ADAMTSL3: variants seen among roughly 807,000 people sequenced by gnomAD.
ADAMTSL3 encodes the protein ADAMTS-like protein 3.
ADAMTSL3 carries 128 observed loss-of-function variants against 201.7 expected under a neutral mutation model. That is an observed-to-expected ratio of 0.63 (90% CI 0.55 to 0.73). The LOEUF is 0.73. ADAMTSL3 is among the 30% of genes least tolerant of loss of function. The pLI is 0.00. For missense variants in ADAMTSL3, 1,990 were observed against 2,119.6 expected (o/e 0.94, Z 1.20); for synonymous variants, 738 against 748.4 (o/e 0.99, Z 0.23).
At chr15:83,903,917 CAAAAAAAAAAAAAAAAAAAAAAA>C (rs1168502648) in intron 15 of ADAMTSL3, among the ~76,000 whole-genome samples, 1,070 of 18,876 alleles carry the variant, frequency 0.057, 69 homozygotes, top group Middle Eastern at 0.11. Context: ...GACTCCACAT[CAAAAAAAAAAAAAAAAAAAAAAA>C]AAAAGAAAAA....
chr15:83,800,426 A>T (rs956029269), intron 4 of ADAMTSL3, among the ~76,000 whole-genome samples: 1 of 152,178 alleles, frequency 6.6e-6, no homozygotes, highest in African/African-American at 2.4e-5. Context: ...ATTAGGACAC[A>T]GCAGGTGGCA....
chr15:83,889,359 G>A (rs2065459974), intron 10 of ADAMTSL3, among the ~76,000 whole-genome samples: 1 of 152,116 alleles, frequency 6.6e-6, no homozygotes, highest in South Asian at 2.1e-4. Flanking sequence ...GTAAAATGCG[G>A]TACTGTGTAT....
intron 2 of ADAMTSL3, among the ~76,000 whole-genome samples, chr15:83,657,850 G>A (rs1465927770): frequency 6.6e-6 from 1 of 152,200 alleles, no homozygotes; most frequent in Non-Finnish European, 1.5e-5. Context: ...ATGAAGGGTG[G>A]TAGGTCAGCC....
intron 3 of ADAMTSL3, among the ~76,000 whole-genome samples, chr15:83,744,012 G>A (rs1283502020): frequency 2.0e-5 from 3 of 151,916 alleles, no homozygotes; most frequent in African/African-American, 7.3e-5. Context: ...CACCACTCCC[G>A]GCTAATTTTT....
At chr15:83,950,110 C>T (rs368812030) in intron 19 of ADAMTSL3, among the ~76,000 whole-genome samples, 12 of 152,100 alleles carry the variant, frequency 7.9e-5, no homozygotes, top group Admixed American at 2.0e-4. Context: ...GTTTCCCCAA[C>T]GTTTTCTTGT....
Position 83,943,079 on chromosome 15 carries a change from G to C in ADAMTSL3, c.2487G>C (p.Ser829=), listed in dbSNP as rs746012941. 16 of 1,608,148 alleles carry C rather than the reference G, an allele frequency of 9.9e-6. No homozygotes were observed. Residue 829 remains serine, a synonymous_variant, in exon 19 of 30, where the codon TCG becomes TCC. Transcript: ENST00000286744. ...CACATTTAGCTGTGGGAGACTGGTCGAAGGTAAGGGCCAGGCTCAACTTTA... is the reference window on the plus strand; with the variant it reads ...CACATTTAGCTGTGGGAGACTGGTCCAAGGTAAGGGCCAGGCTCAACTTTA... ...CPPHLAVGDW[S]KCSVSCGVGI...
chr15:83,942,480 G>A (rs2066578722), intron 17 of ADAMTSL3, 116 bp from the exon 18 acceptor site: 2 of 869,274 alleles, frequency 2.3e-6, no homozygotes, highest in African/African-American at 1.7e-5. Context: ...TGTAGAATCT[G>A]TATACAGGGT....
chr15:83,927,663 T>C (rs1268147318), intron 17 of ADAMTSL3, among the ~76,000 whole-genome samples: 1 of 152,220 alleles, frequency 6.6e-6, no homozygotes, highest in African/African-American at 2.4e-5. Flanking sequence ...TTAGGATTTT[T>C]AGGTAATTGA....
chr15:83,909,260 G>A (rs2065892771), intron 15 of ADAMTSL3, among the ~76,000 whole-genome samples: 1 of 152,180 alleles, frequency 6.6e-6, no homozygotes, highest in Non-Finnish European at 1.5e-5. Flanking sequence ...GTATGGTAAT[G>A]TATTCACACA....
intron 19 of ADAMTSL3, among the ~76,000 whole-genome samples, chr15:83,960,653 T>G (rs1279736915): frequency 1.3e-5 from 2 of 152,130 alleles, no homozygotes; most frequent in Non-Finnish European, 2.9e-5. Context: ...CAGCAATTGT[T>G]GGATTATTAC....
chr15:83,968,390 G>T (rs902887493), intron 19 of ADAMTSL3, among the ~76,000 whole-genome samples: 1 of 152,132 alleles, frequency 6.6e-6, no homozygotes, highest in Non-Finnish European at 1.5e-5. Flanking sequence ...TTCTCCAAAG[G>T]AGACATTTAT....
chr15:83,812,665 A>C (rs1458659934), intron 5 of ADAMTSL3, among the ~76,000 whole-genome samples: 1 of 152,158 alleles, frequency 6.6e-6, no homozygotes, highest in Non-Finnish European at 1.5e-5. Flanking sequence ...GAGATTGCTA[A>C]AAGTTCTGTT....
chr15:83,699,316 C>A (rs1185851187), intron 2 of ADAMTSL3, among the ~76,000 whole-genome samples: 3 of 152,158 alleles, frequency 2.0e-5, no homozygotes, highest in African/African-American at 7.2e-5. Flanking sequence ...CAGTTTCTGC[C>A]TCAGGGCTAT....
At chr15:83,752,356 A>G (rs918730857) in intron 3 of ADAMTSL3, among the ~76,000 whole-genome samples, 18 of 152,114 alleles carry the variant, frequency 1.2e-4, no homozygotes, top group African/African-American at 4.1e-4. Context: ...TTTGAATTCT[A>G]TTTAAAAAAA....
At chr15:83,899,822 A>G (rs976837557) in intron 15 of ADAMTSL3, 91 bp downstream of exon 15, 2 of 1,463,526 alleles carry the variant, frequency 1.4e-6, no homozygotes, top group Admixed American at 4.7e-5. Flanking sequence ...ACAGTGATAC[A>G]TTTAATATCC....
intron 3 of ADAMTSL3, among the ~76,000 whole-genome samples, chr15:83,772,799 T>C (rs958769292): frequency 2.6e-5 from 4 of 151,384 alleles, no homozygotes; most frequent in Non-Finnish European, 5.9e-5. Flanking sequence ...TCCGCCTCCC[T>C]GGTTCAAGTG....
intron 17 of ADAMTSL3, among the ~76,000 whole-genome samples, chr15:83,935,329 G>A (rs2142016581): frequency 6.6e-6 from 1 of 152,100 alleles, no homozygotes; most frequent in Non-Finnish European, 1.5e-5. Context: ...TCATTCTGAT[G>A]GATCATGACT....
intron 3 of ADAMTSL3, among the ~76,000 whole-genome samples, chr15:83,735,813 C>A (rs141228783): frequency 2.0e-5 from 3 of 151,904 alleles, no homozygotes; most frequent in African/African-American, 7.3e-5. Context: ...GTTTAACACA[C>A]GTAAAATAAA....
intron 15 of ADAMTSL3, among the ~76,000 whole-genome samples, chr15:83,908,414 A>G (rs1316406515): frequency 6.6e-6 from 1 of 152,176 alleles, no homozygotes; most frequent in African/African-American, 2.4e-5. Context: ...TTTTTATTTT[A>G]TTGTACTTAT....
Sources: allele counts gnomAD v4.1 joint callset (sites outside exome capture counted in the v4.1 genomes callset), GRCh38; gene constraint gnomAD v4.1.1; transcripts MANE v1.5; gene names NCBI Gene and HGNC (gene_info 2026-07-23, HGNC 2026-07-21).